Variants in GRIP1 observed in about 807,000 individuals in gnomAD.
GRIP1 encodes glutamate receptor interacting protein 1.
A neutral mutation model predicts 129.9 loss-of-function variants in GRIP1; 45 were observed. That is an observed-to-expected ratio of 0.35 (90% CI 0.27 to 0.44). The LOEUF is 0.44. Among genes scored for constraint, GRIP1 ranks in the 20% least tolerant of loss-of-function variants. GRIP1 has a pLI of 1.00. For missense variants in GRIP1, 1,196 were observed against 1,396.8 expected (o/e 0.86, Z 2.29); for synonymous variants, 530 against 520.8 (o/e 1.02, Z -0.24).
chr12:66,558,648 G>C (rs554592776), intron 2 of GRIP1, among the ~76,000 whole-genome samples: 1 of 152,162 alleles, frequency 6.6e-6, no homozygotes, highest in African/African-American at 2.4e-5. Flanking sequence ...AATCTGAACT[G>C]ACCATAACTC....
intron 2 of GRIP1, among the ~76,000 whole-genome samples, chr12:66,561,733 AT>A (rs549318819): frequency 6.2e-4 from 94 of 152,164 alleles, no homozygotes; most frequent in Middle Eastern, 3.4e-3. Flanking sequence ...GCTTAAAAAA[AT>A]ATATATATTT....
At chr12:66,434,762 A>G (rs1476304330) in intron 13 of GRIP1, among the ~76,000 whole-genome samples, 1 of 152,264 alleles carries the variant, frequency 6.6e-6, no homozygotes, top group Non-Finnish European at 1.5e-5. Context: ...ATTTGGAATT[A>G]GCATGCACAC....
intron 1 of GRIP1, among the ~76,000 whole-genome samples, chr12:66,677,424 C>T (rs907041928): frequency 3.9e-5 from 6 of 152,058 alleles, no homozygotes; most frequent in African/African-American, 1.4e-4. Context: ...AAGTAAATGC[C>T]AAAATCAGGT....
intron 7 of GRIP1, among the ~76,000 whole-genome samples, chr12:66,495,910 G>A (rs538230824): frequency 6.6e-6 from 1 of 152,336 alleles, no homozygotes; most frequent in East Asian, 1.9e-4. Flanking sequence ...GAAAGCAAAG[G>A]AGTCCTCGGC....
chr12:66,882,408 T>G (rs2040494852), intron 1 of GRIP1, among the ~76,000 whole-genome samples: 1 of 152,118 alleles, frequency 6.6e-6, no homozygotes, highest in South Asian at 2.1e-4. Context: ...ACTTGAGATC[T>G]GACAAGTGTG....
At position 66,349,144 on chromosome 12, in the gene GRIP1, C is replaced by G; in HGVS notation, c.3262G>C (p.Ala1088Pro). Residue 1088 changes from alanine (A) to proline (P), a missense_variant, in exon 25 of 25, where the codon GCT becomes CCT. Around this residue, in one of 5 missense-constraint regions of GRIP1, gnomAD observed 427 missense variants for 463.3 expected, o/e 0.92. Transcript: ENST00000359742. ...LDLVISRNPL[A>P]SQKSIDQQSL... The stretch of plus-strand genomic sequence containing the variant: ...TGTTGGTCTATAGACTTCTGTGAAG[C>G]CAGTGGGTTTCTACTAATAACCAGG... The G allele has an allele frequency of 1.9e-6, 3 of 1,613,836 alleles. No homozygotes were observed. Among genetic ancestry groups the G allele is most frequent in the Non-Finnish European group, 2.5e-6 (3 of 1,179,754 alleles).
chr12:66,736,873 T>C (rs973233374), intron 1 of GRIP1, among the ~76,000 whole-genome samples: 1 of 152,098 alleles, frequency 6.6e-6, no homozygotes, highest in Non-Finnish European at 1.5e-5. Flanking sequence ...AGTCTGCAAA[T>C]TGAATATACA....
At chr12:66,842,097 A>C (rs1414016493) in intron 1 of GRIP1, among the ~76,000 whole-genome samples, 1 of 152,102 alleles carries the variant, frequency 6.6e-6, no homozygotes, top group East Asian at 1.9e-4. Flanking sequence ...ATATTGTATA[A>C]ATTCTTTTTC....
At chr12:67,046,892 A>G (rs1005130711) in intron 1 of GRIP1, among the ~76,000 whole-genome samples, 1 of 152,210 alleles carries the variant, frequency 6.6e-6, no homozygotes, top group African/African-American at 2.4e-5. Flanking sequence ...TATCCTACGT[A>G]GCCATTTTTA....
intron 2 of GRIP1, among the ~76,000 whole-genome samples, chr12:66,559,735 T>C (rs1357709060): frequency 6.6e-6 from 1 of 152,162 alleles, no homozygotes; most frequent in Non-Finnish European, 1.5e-5. Context: ...ATTGTTACGA[T>C]GTCATACTAC....
chr12:66,827,363 GGTGTGTGT>G (rs34267289), intron 1 of GRIP1, among the ~76,000 whole-genome samples: 1 of 137,816 alleles, frequency 7.3e-6, no homozygotes, highest in African/African-American at 2.7e-5. Flanking sequence ...CTCAAAACCA[GGTGTGTGT>G]GTGTGTGTGT....
At chr12:66,440,058 C>T (rs1203398078) in intron 13 of GRIP1, among the ~76,000 whole-genome samples, 9 of 152,184 alleles carry the variant, frequency 5.9e-5, no homozygotes, top group East Asian at 5.8e-4. Flanking sequence ...TTTCAACCCT[C>T]GAAGCTGCTG....
At chr12:66,821,876 T>C (rs1241384200) in intron 1 of GRIP1, among the ~76,000 whole-genome samples, 2 of 152,154 alleles carry the variant, frequency 1.3e-5, no homozygotes, top group East Asian at 1.9e-4. Flanking sequence ...TCAAGTCATA[T>C]CTAATAGGGG....
intron 1 of GRIP1, among the ~76,000 whole-genome samples, chr12:66,921,283 T>C (rs1374088813): frequency 6.6e-6 from 1 of 152,192 alleles, no homozygotes; most frequent in African/African-American, 2.4e-5. Flanking sequence ...ATGTGTCAAC[T>C]GCCTAAAGCC....
intron 15 of GRIP1, among the ~76,000 whole-genome samples, chr12:66,412,574 C>T (rs1158456080): frequency 6.6e-6 from 1 of 152,146 alleles, no homozygotes; most frequent in Non-Finnish European, 1.5e-5. Flanking sequence ...ACCACATAAA[C>T]AAGTTTGCAA....
At chr12:66,965,047 C>T (rs1289022270) in intron 1 of GRIP1, among the ~76,000 whole-genome samples, 1 of 152,066 alleles carries the variant, frequency 6.6e-6, no homozygotes, top group African/African-American at 2.4e-5. Flanking sequence ...TCTTCAAATA[C>T]AGTCACATTC....
chr12:66,833,911 T>G (rs940046053), intron 1 of GRIP1, among the ~76,000 whole-genome samples: 4 of 152,198 alleles, frequency 2.6e-5, no homozygotes, highest in Non-Finnish European at 5.9e-5. Flanking sequence ...GGCTCACGCC[T>G]GTAATCCCAG....
At chr12:66,597,109 T>C (rs999804122) in intron 1 of GRIP1, among the ~76,000 whole-genome samples, 182 bp from the exon 2 acceptor site, 2 of 152,194 alleles carry the variant, frequency 1.3e-5, no homozygotes, top group African/African-American at 4.8e-5. Context: ...GTTGTGAATA[T>C]GTTTCTTCCC....
rs183589049 is a variant in GRIP1 at position 67,063,788 on chromosome 12, C to T, written c.58+5262G>A. Among the ~76,000 whole-genome samples, 156 of 152,208 alleles carry T rather than the reference C, an allele frequency of 1.0e-3. 1 individual carries two copies. Among genetic ancestry groups the T allele is most frequent in the African/African-American group, 2.9e-3 (119 of 41,546 alleles). On this transcript the variant is annotated intron_variant, in intron 1 of 1. Coordinates refer to the GRIP1 transcript ENST00000643019. The stretch of plus-strand genomic sequence containing the variant: ...GTTGAAATTTCTTTTTCTTCATGAA[C>T]GAAACCAATCAGTTGCTGCAGAAGA...
Sources: allele counts gnomAD v4.1 joint callset (sites outside exome capture counted in the v4.1 genomes callset), GRCh38; gene constraint gnomAD v4.1.1; regional missense constraint gnomAD v4.1.1; transcripts MANE v1.5; gene names NCBI Gene and HGNC (gene_info 2026-07-23, HGNC 2026-07-21).